NLRP2: variants seen among roughly 807,000 people sequenced by gnomAD.
The protein encoded by NLRP2 is NACHT, LRR and PYD domains-containing protein 2.
In NLRP2, 107 loss-of-function variants were observed where a neutral mutation model predicts 97.2. The observed-to-expected ratio is 1.10, with a 90% CI of 0.94 to 1.29. NLRP2 has a LOEUF of 1.29. Among genes scored for constraint, NLRP2 ranks in the 50% most tolerant of loss-of-function variants. The pLI, the probability that NLRP2 is intolerant of heterozygous loss-of-function variation, is 0.00. For synonymous variants in NLRP2, 663 were observed against 551.5 expected (o/e 1.20, Z -2.83); for missense variants, 1,495 against 1,330.3 (o/e 1.12, Z -1.93).
chr19:54,974,030 C>T lies in NLRP2; in HGVS notation c.281-470C>T, dbSNP rs747403436. 8 of 1,266,006 alleles carry T rather than the reference C, an allele frequency of 6.3e-6. No homozygotes were observed. The Admixed American group carries it at 1.4e-4, about 22-fold the overall frequency. 78.4% of individuals were successfully genotyped at this position (1,266,006 alleles called of 1,614,324 possible). On this transcript the variant is annotated intron_variant, in intron 2 of 12. Coordinates refer to ENST00000448584, the MANE Select transcript of NLRP2 (RefSeq NM_017852.5). ...TGTGCTAAGGCTTGAGTGCCTTGAG[C>T]CCAACTGCAGATCTAAGAATGCTGG...
rs755123098 is a variant in NLRP2, at chr19:54,982,196, G to A, written c.498G>A (p.Thr166=). 20 of 1,613,966 alleles carry A rather than the reference G, an allele frequency of 1.2e-5. No individual in the cohort carries two copies. Among genetic ancestry groups the A allele is most frequent in the South Asian group, 4.4e-5 (4 of 91,086 alleles). Residue 166 remains threonine, a synonymous_variant, in exon 6 of 13, where the codon ACG becomes ACA. Transcript: ENST00000448584. Reference sequence around the variant, plus strand: ...ATAGGTGCAGGTATATATTGAAGACGAAGTTCCGGGAGATGTGGAAGAGCT... The same window carrying A: ...ATAGGTGCAGGTATATATTGAAGACAAAGTTCCGGGAGATGTGGAAGAGCT... The part of the protein sequence containing the change: ...KDNRCRYILK[T]KFREMWKSWP...
chr19:54,990,001 G>T, intron 8 of NLRP2, 21 bp from the exon 9 acceptor site: 1 of 1,604,340 alleles, frequency 6.2e-7, no homozygotes. Flanking sequence ...AAAAAATGAC[G>T]TGGTCCTATT....
intron 1 of NLRP2, among the ~76,000 whole-genome samples, chr19:54,967,552 A>T (rs1235252163): frequency 6.6e-6 from 1 of 151,656 alleles, no homozygotes; most frequent in Non-Finnish European, 1.5e-5. Context: ...ATCTAGAGAG[A>T]CTCTAGTTAA....
chr19:54,989,954 T>C, intron 8 of NLRP2, 68 bp from the exon 9 acceptor site: 1 of 1,567,230 alleles, frequency 6.4e-7, no homozygotes, highest in Middle Eastern at 2.3e-4. Context: ...TTGCGCCACC[T>C]GGGCAACAAG....
At chr19:54,967,160 C>G (rs1409600213) in intron 1 of NLRP2, among the ~76,000 whole-genome samples, 1 of 152,042 alleles carries the variant, frequency 6.6e-6, no homozygotes, top group Non-Finnish European at 1.5e-5. Flanking sequence ...TGCCACCGCG[C>G]CCGGCCTAAA....
chr19:54,977,720 A>T (rs751309430), intron 3 of NLRP2, 32 bp from the exon 4 acceptor site: 3 of 1,611,220 alleles, frequency 1.9e-6, no homozygotes, highest in African/African-American at 1.3e-5. Context: ...CCAGCACAGC[A>T]ACAGGCCTGT....
chr19:54,992,229 T>C (rs1410672953), intron 10 of NLRP2, among the ~76,000 whole-genome samples: 1 of 152,002 alleles, frequency 6.6e-6, no homozygotes, highest in African/African-American at 2.4e-5. Context: ...ATCTCTGGTA[T>C]TCTTTGTCTC....
In NLRP2 at chr19:54,983,737, C is replaced by T. The variant is rs542226233; in HGVS notation, c.2030+9C>T. 4 of 1,608,156 alleles carry T rather than the reference C, an allele frequency of 2.5e-6. No individual in the cohort carries two copies. Among genetic ancestry groups the T allele is most frequent in the Admixed American group, 1.7e-5 (1 of 59,992 alleles). On this transcript the variant is annotated intron_variant, in intron 6 of 12. Transcript: ENST00000448584. ...GACGCCGAGGTTGAGAGGTGAGAAC[C>T]GTTTCACTCTACCAGTCGTTCCATC...
chr19:54,986,213 A>G lies in NLRP2; in HGVS notation c.2264A>G (p.Lys755Arg), dbSNP rs757287350. Residue 755 changes from lysine to arginine, a missense_variant, in exon 8 of 13, where the codon AAG (lysine) becomes AGG (arginine). By Grantham distance (26) the Lys-to-Arg change is conservative (BLOSUM62 2). Transcript: ENST00000448584. Reference protein sequence around the residue: ...RNLCLALRGHKTVTYLTLQGN... With the variant: ...RNLCLALRGHRTVTYLTLQGN... Reference sequence around the variant, plus strand: ...CTCTGCCTAGCTCTTCGAGGTCACAAGACTGTAACGTATCTGACCCTTCAA... The same window carrying G: ...CTCTGCCTAGCTCTTCGAGGTCACAGGACTGTAACGTATCTGACCCTTCAA... The G allele has an allele frequency of 2.5e-6, 4 of 1,612,848 alleles. No individual in the cohort carries two copies. The South Asian group carries it at 4.4e-5, about 18-fold the overall frequency.
chr19:54,977,630 C>A, intron 3 of NLRP2, 122 bp from the exon 4 acceptor site: 1 of 904,510 alleles, frequency 1.1e-6, no homozygotes, highest in Non-Finnish European at 1.8e-6. Context: ...AGTACCTTAT[C>A]AACGTCCTTT....
rs200135053 is a variant in NLRP2, at chr19:54,992,505, TGTGTGTG to T, written c.2709-1749_2709-1743del. Among the ~76,000 whole-genome samples, 355 of 141,120 alleles carry T rather than the reference TGTGTGTG, an allele frequency of 2.5e-3. 7 individuals are homozygous for T. Among genetic ancestry groups the T allele is most frequent in the East Asian group, 0.025 (105 of 4,242 alleles). The allele number at this position is 141,120 out of a possible 152,430, so 92.6% of individuals were successfully genotyped here. Reference sequence around the variant, plus strand: ...AATGTCTAGTTTTTTTGGTTGTGTGTGTGTGTGGTGTGTGGTGTGTGTGGTATTTTTT... The same window carrying T: ...AATGTCTAGTTTTTTTGGTTGTGTGTGTGTGTGGTGTGTGTGGTATTTTTT... On this transcript the variant is annotated intron_variant, in intron 10 of 12. Coordinates refer to ENST00000448584, the MANE Select transcript of NLRP2 (RefSeq NM_017852.5).
Position 54,990,211 on chromosome 19 carries a change from AC to A in NLRP2, c.2537+20del. 1 of 1,613,130 alleles carries A rather than the reference AC, an allele frequency of 6.2e-7. No individual in the cohort carries two copies. ...GGTTGTCGTAAGTCTCTCCTCTCTT[AC>A]AGAGCAGCTGTGCTTTCGATCTGGG... On this transcript the variant is annotated intron_variant, in intron 9 of 12. Transcript: ENST00000448584.
chr19:54,997,268 A>T (rs754509771), intron 11 of NLRP2, 49 bp from the exon 12 acceptor site: 6 of 1,598,994 alleles, frequency 3.8e-6, no homozygotes, highest in African/African-American at 2.7e-5. Context: ...GCCGGAGGGC[A>T]TCGATCAGCA....
intron 2 of NLRP2, 24 bp downstream of exon 2, chr19:54,970,319 G>A (rs2070766040): frequency 6.2e-7 from 1 of 1,613,770 alleles, no homozygotes; most frequent in Non-Finnish European, 8.5e-7. Flanking sequence ...GGTCCACACT[G>A]TGTCCTAGGA....
Position 55,000,861 on chromosome 19 carries a change from G to A in NLRP2, c.3152G>A (p.Trp1051Ter). Reference protein sequence around the residue: ...LIIDTEKHHPWAERPSSHDFM... With the variant: ...LIIDTEKHHP ...ATTGATACTGAGAAACATCATCCCTGGGCAGAAAGGCCTTCTTCTCATGAC... is the reference window on the plus strand; with the variant it reads ...ATTGATACTGAGAAACATCATCCCTAGGCAGAAAGGCCTTCTTCTCATGAC... The change falls in exon 13 of 13, where the codon TGG (tryptophan) becomes TAG (stop). Residue 1051 changes from tryptophan (W) to a stop codon, truncating the protein, a stop_gained. Transcript: ENST00000448584. LOFTEE classifies it low-confidence loss of function (END_TRUNC). 6.2e-7 allele frequency: 1 copy of A among 1,613,442 alleles called. No homozygotes were observed. The highest frequency in any genetic ancestry group is 1.1e-5 in the South Asian group (1 of 91,066).
chr19:54,974,991 G>C (rs1243441712), intron 3 of NLRP2, among the ~76,000 whole-genome samples: 2 of 151,742 alleles, frequency 1.3e-5, no homozygotes, highest in African/African-American at 4.8e-5. Context: ...TGTAGAGATG[G>C]GGTTTCACCA....
chr19:54,979,142 G>A (rs557988395), intron 4 of NLRP2, among the ~76,000 whole-genome samples: 2 of 151,502 alleles, frequency 1.3e-5, no homozygotes, highest in African/African-American at 4.8e-5. Flanking sequence ...CCACCACTAT[G>A]CCTGGCTAAC....
intron 6 of NLRP2, among the ~76,000 whole-genome samples, chr19:54,984,500 T>TTTTTTTTTTTTTTTTTTTTTTTTTTTA (rs764786892): frequency 7.5e-6 from 1 of 132,852 alleles, no homozygotes; most frequent in African/African-American, 2.9e-5. Context: ...TTTTTTTTTT[T>TTTTTTTTTTTTTTTTTTTTTTTTTTTA]GAGACGGAGT....
In NLRP2 at chr19:54,970,083, T is replaced by C; in HGVS notation, c.68T>C (p.Leu23Ser). Residue 23 changes from leucine to serine, a missense_variant, in exon 2 of 13, where the codon TTG becomes TCG. Leu to Ser is a moderately radical substitution (Grantham distance 145, BLOSUM62 -2). Transcript: ENST00000448584. ...ALLEQLSQDE[L>S]SKFKYLITTF... ...CTGGAGCAGCTCAGCCAGGATGAGT[T>C]GAGCAAGTTCAAGTATCTGATCACG... 1 of 1,614,010 alleles carries C rather than the reference T, an allele frequency of 6.2e-7. No homozygotes were observed. Among genetic ancestry groups the C allele is most frequent in the Admixed American group, 1.7e-5 (1 of 59,956 alleles).
Sources: gnomAD v4.1 joint callset for allele counts (sites outside exome capture counted in the v4.1 genomes callset) on GRCh38, gnomAD v4.1.1 for gene constraint, MANE v1.5 for transcripts, NCBI Gene and HGNC (gene_info 2026-07-23, HGNC 2026-07-21) for gene names.